MYO1F: variants seen among roughly 807,000 people sequenced by gnomAD.
The protein encoded by MYO1F is unconventional myosin-If.
Under a neutral mutation model 146.6 loss-of-function variants are expected in MYO1F, and 60 were observed. That is an observed-to-expected ratio of 0.41 (90% confidence interval 0.33 to 0.51). The LOEUF is 0.51. Among genes scored for constraint, MYO1F ranks in the 20% least tolerant of loss-of-function variants. The pLI, the probability that MYO1F is intolerant of heterozygous loss-of-function variation, is 0.25. For missense variants in MYO1F, 1,274 were observed against 1,534.3 expected (o/e 0.83, Z 2.83); for synonymous variants, 602 against 602.1 (o/e 1.00, Z 0.00).
chr19:8,525,605 G>A, intron 24 of MYO1F, 43 bp from the exon 25 acceptor site: 4 of 1,532,410 alleles, frequency 2.6e-6, no homozygotes, highest in Non-Finnish European at 3.6e-6. Flanking sequence ...GACAGACCAC[G>A]CTCTTTGCCC....
intron 19 of MYO1F, among the ~76,000 whole-genome samples, chr19:8,531,957 A>G (rs1972505201): frequency 6.6e-6 from 1 of 152,122 alleles, no homozygotes; most frequent in Non-Finnish European, 1.5e-5. Flanking sequence ...GTCTCTACTA[A>G]TAATACAAAA....
At chr19:8,547,783 A>T in intron 12 of MYO1F, 2 of 498,888 alleles carry the variant, frequency 4.0e-6, no homozygotes, top group East Asian at 3.8e-5. Flanking sequence ...GTCTCCAAGC[A>T]CCCTAAACAG....
chr19:8,565,215 G>T (rs1442665858), intron 1 of MYO1F, among the ~76,000 whole-genome samples: 2 of 152,000 alleles, frequency 1.3e-5, no homozygotes, highest in Non-Finnish European at 2.9e-5. Context: ...TTTCAAGATG[G>T]GGAGACCAGA....
chr19:8,537,204 C>G (rs1470061739), intron 16 of MYO1F, 149 bp from the exon 17 acceptor site: 3 of 652,692 alleles, frequency 4.6e-6, no homozygotes, highest in Non-Finnish European at 8.4e-6. Flanking sequence ...CCAGATGTCC[C>G]TGGTCTGTGT....
In MYO1F at chr19:8,521,561, G is replaced by T; in HGVS notation, c.3264C>A (p.Gly1088=). The T allele has an allele frequency of 6.2e-7, 1 of 1,614,184 alleles. No individual in the cohort carries two copies. The highest frequency in any genetic ancestry group is 8.5e-7 in the Non-Finnish European group (1 of 1,180,018). ...TCTCCACGTAGTTTCCTGGGAAAAG[G>T]CCCTCCTGGCCGTGAAGCCGGCCCT... is the stretch of plus-strand genomic sequence containing the variant. ...WWKGRLHGQE[G]LFPGNYVEKI Residue 1088 remains glycine, a synonymous_variant, in exon 28 of 28, where the codon GGC becomes GGA. Coordinates refer to ENST00000644032, the MANE Select transcript of MYO1F (RefSeq NM_012335.4).
In MYO1F at chr19:8,550,183, G is replaced by A; in HGVS notation, c.1078C>T (p.Arg360Cys). ...RDALAKGLYARLFDFLVEAIN... is the reference protein window; with the variant it reads ...RDALAKGLYACLFDFLVEAIN... ...GCCTCCACGAGGAAGTCGAAGAGGC[G>A]GGCATAGAGCCCCTTGGCCAGGGCA... is the stretch of plus-strand genomic sequence containing the variant. The change falls in exon 10 of 28, where the codon CGC becomes TGC. Residue 360 changes from arginine to cysteine, a missense_variant. Around this residue, in one of 2 missense-constraint regions of MYO1F, gnomAD observed 900 missense variants for 1,155.1 expected, o/e 0.78. Coordinates refer to ENST00000644032, the MANE Select transcript of MYO1F (RefSeq NM_012335.4). 3.1e-6 allele frequency: 5 copies of A among 1,614,110 alleles called. No homozygotes were observed. Among genetic ancestry groups the A allele is most frequent in the Non-Finnish European group, 4.2e-6 (5 of 1,180,048 alleles).
chr19:8,521,756 C>T, intron 27 of MYO1F, 152 bp from the exon 28 acceptor site: 2 of 737,084 alleles, frequency 2.7e-6, no homozygotes, highest in East Asian at 5.4e-5. Context: ...CTCAGCCTCC[C>T]AAAGTGCTGG....
At chr19:8,534,422 C>T (rs1338130078) in intron 19 of MYO1F, among the ~76,000 whole-genome samples, 1 of 151,610 alleles carries the variant, frequency 6.6e-6, no homozygotes, top group Non-Finnish European at 1.5e-5. Context: ...ATTCTCCTGC[C>T]TCAGCCTCCC....
At chr19:8,524,960 G>T (rs1320210064) in intron 25 of MYO1F, among the ~76,000 whole-genome samples, 1 of 152,130 alleles carries the variant, frequency 6.6e-6, no homozygotes, top group Non-Finnish European at 1.5e-5. Context: ...CACTTTCGGA[G>T]GCCGAGACGG....
intron 16 of MYO1F, 149 bp downstream of exon 16, chr19:8,539,798 C>T: frequency 1.5e-6 from 1 of 668,796 alleles, no homozygotes; most frequent in Non-Finnish European, 2.5e-6. Flanking sequence ...GAAGACCCTG[C>T]TGAACAGATG....
chr19:8,573,183 C>T (rs1010164253), intron 1 of MYO1F, among the ~76,000 whole-genome samples: 4 of 152,012 alleles, frequency 2.6e-5, no homozygotes, highest in East Asian at 3.9e-4. Flanking sequence ...TGGTGGCGGG[C>T]GCCTGTAGTC....
chr19:8,526,827 C>T lies in MYO1F; in HGVS notation c.2583G>A (p.Glu861=). The change falls in exon 23 of 28, where the codon GAG becomes GAA. Residue 861 remains glutamate (E), a synonymous_variant. Transcript: ENST00000644032. The part of the protein sequence containing the change: ...FVSLLCKRFE[E]ATRRPLPLTF... ...TGAGGGGCAGGGGCCTCCGCGTCGCCTCCTCGAAGCGCTTGCACAGAAGGC... is the reference window on the plus strand; with the variant it reads ...TGAGGGGCAGGGGCCTCCGCGTCGCTTCCTCGAAGCGCTTGCACAGAAGGC... 6.2e-7 allele frequency: 1 copy of T among 1,613,688 alleles called. No homozygotes were observed. The highest frequency in any genetic ancestry group is 8.5e-7 in the Non-Finnish European group (1 of 1,179,892).
intron 21 of MYO1F, chr19:8,529,707 A>G (rs578152905): frequency 1.0e-4 from 28 of 279,874 alleles, no homozygotes; most frequent in African/African-American, 6.1e-4. Flanking sequence ...GTGATTGTTG[A>G]GAGATGCATC....
Position 8,530,976 on chromosome 19 carries a change from G to A in MYO1F, c.2044-403C>T, listed in dbSNP as rs1249356160. On this transcript the variant is annotated intron_variant, in intron 19 of 27. Transcript: ENST00000644032. The surrounding 1 kb of genome is among the most constrained non-coding windows in gnomAD (Gnocchi z 5.8). ...GGAGAATCACTTGAACCCGGGAGGC[G>A]GAGGTTGCAGTGAGCTGAGATCGCG... is the stretch of plus-strand genomic sequence containing the variant. Among the ~76,000 whole-genome samples the A allele has an allele frequency of 6.6e-6, 1 of 152,044 alleles. No individual in the cohort carries two copies. The highest frequency in any genetic ancestry group is 1.5e-5 in the Non-Finnish European group (1 of 68,018).
In MYO1F at chr19:8,553,215, A is replaced by T. The variant is rs370081150; in HGVS notation, c.428T>A (p.Ile143Asn). Residue 143 changes from isoleucine to asparagine, a missense_variant, in exon 6 of 28, where the codon ATC (isoleucine) becomes AAC (asparagine). Around this residue, in one of 2 missense-constraint regions of MYO1F, gnomAD observed 900 missense variants for 1,155.1 expected, o/e 0.78. Transcript: ENST00000644032. ...GAGCAGCGGGTTGGACTGCAGGATG[A>T]TATCTTTGACGTGCTGGGGCAGAGG... ...GGEKVQHVKD[I>N]ILQSNPLLEA... 1.5e-5 allele frequency: 24 copies of T among 1,614,022 alleles called. No homozygotes were observed. The African/African-American group carries it at 3.2e-4, about 22-fold the overall frequency.
intron 13 of MYO1F, chr19:8,545,392 C>T (rs764251554): frequency 8.4e-6 from 4 of 475,968 alleles, no homozygotes; most frequent in Non-Finnish European, 1.6e-5. Flanking sequence ...ATGGAATCTG[C>T]AAATTTGACT....
rs368939767 is a variant in MYO1F at position 8,544,320 on chromosome 19, C to T, written c.1501G>A (p.Val501Ile). The change falls in exon 14 of 28, where the codon GTC becomes ATC. Residue 501 changes from valine to isoleucine, a missense_variant. By Grantham distance (29) the Val-to-Ile change is conservative (BLOSUM62 3). Coordinates refer to ENST00000644032, the MANE Select transcript of MYO1F (RefSeq NM_012335.4). Reference sequence around the variant, plus strand: ...ACCTTGCCAGCGTAGTGGTGGATGACGAAGCCGGCGCTCCAGCTGTTGAAA... The same window carrying T: ...ACCTTGCCAGCGTAGTGGTGGATGATGAAGCCGGCGCTCCAGCTGTTGAAA... Reference protein sequence around the residue: ...EHFNSWSAGFVIHHYAGKVSY... With the variant: ...EHFNSWSAGFIIHHYAGKVSY... 116 of 1,612,978 alleles carry T rather than the reference C, an allele frequency of 7.2e-5. 2 individuals are homozygous for T. Among genetic ancestry groups the T allele is most frequent in the Admixed American group, 2.0e-4 (12 of 59,984 alleles).
chr19:8,545,523 G>T (rs1023920141), intron 13 of MYO1F, 127 bp downstream of exon 13: 2 of 806,704 alleles, frequency 2.5e-6, no homozygotes, highest in African/African-American at 3.4e-5. Flanking sequence ...TCTGTCGCTG[G>T]AAGTCCTGAG....
In MYO1F at chr19:8,554,527, G is replaced by A; in HGVS notation, c.276C>T (p.Asn92=). 6.2e-7 allele frequency: 1 copy of A among 1,613,678 alleles called. No individual in the cohort carries two copies. The highest frequency in any genetic ancestry group is 1.7e-5 in the Admixed American group (1 of 59,988). The part of the protein sequence containing the change: ...NPPHIYALTD[N]MYRNMLIDCE... ...AGTCGATAAGCATGTTCCGGTACAT[G>A]TTGTCCGTGAGGGCGTAGATGTGCG... The change falls in exon 4 of 28, where the codon AAC becomes AAT. Residue 92 remains asparagine, a synonymous_variant. Coordinates refer to ENST00000644032, the MANE Select transcript of MYO1F (RefSeq NM_012335.4).
Sources: gnomAD v4.1 joint callset for allele counts (sites outside exome capture counted in the v4.1 genomes callset) on GRCh38, gnomAD v4.1.1 for gene constraint, gnomAD v4.1.1 regional missense constraint, Gnocchi (gnomAD v3.1) non-coding constraint, MANE v1.5 for transcripts, NCBI Gene and HGNC (gene_info 2026-07-23, HGNC 2026-07-21) for gene names.